The following CRB2 variants were observed in gnomAD, a reference collection of about 807,000 sequenced individuals.
CRB2 encodes the protein crumbs cell polarity complex component 2.
A neutral mutation model predicts 110.9 loss-of-function variants in CRB2; 85 were observed. The ratio of observed to expected loss-of-function variants is 0.77; its 90% confidence interval spans 0.64 to 0.92. The LOEUF is 0.92. Ranked by LOEUF, CRB2 falls within the 40% of genes least tolerant of loss-of-function variation. The pLI is 0.00. For synonymous variants in CRB2, 907 were observed against 831.0 expected, an observed-to-expected ratio of 1.09 and a Z score of -1.57; for missense variants, 1,843 against 1,851.3, an observed-to-expected ratio of 1.00 and a Z score of 0.08.
chr9:123,372,206 C>T lies in CRB2; in HGVS notation c.2466C>T (p.Cys822=). The T allele has an allele frequency of 6.2e-7, 1 of 1,614,124 alleles. No homozygotes were observed. Among genetic ancestry groups the T allele is most frequent in the Non-Finnish European group, 8.5e-7 (1 of 1,180,020 alleles). The change falls in exon 9 of 13, where the codon TGC becomes TGT. Residue 822 remains cysteine, a synonymous_variant. Coordinates refer to ENST00000373631, the MANE Select transcript of CRB2 (RefSeq NM_173689.7). ...SPDPCFNGGT[C]LVTWNDFHCT... ...ACCCCTGTTTCAATGGTGGGACTTGCCTCGTCACCTGGAATGACTTCCACT... is the reference window on the plus strand; with the variant it reads ...ACCCCTGTTTCAATGGTGGGACTTGTCTCGTCACCTGGAATGACTTCCACT...
chr9:123,354,862 C>A (rs980944128), upstream of CRB2, among the ~76,000 whole-genome samples: 4 of 152,184 alleles, frequency 2.6e-5, no homozygotes, highest in African/African-American at 9.6e-5. Flanking sequence ...GCTAGAGGGT[C>A]GGCCAGGGCC....
rs2041811132 is a variant in CRB2 at position 123,357,315 on chromosome 9, G to GC, written c.94+966dup. ...AGGGGCCGGGCCTGGGAAGTCCCCT[G>GC]CCCCCACCACCACAGGCTGGGGAGG... On this transcript the variant is annotated intron_variant, in intron 1 of 12. Transcript: ENST00000373631. Among the ~76,000 whole-genome samples, 3 of 152,146 alleles carry GC rather than the reference G, an allele frequency of 2.0e-5. No individual in the cohort carries two copies. In the South Asian group the frequency reaches 6.2e-4, roughly 32 times the overall value.
chr9:123,355,660 G>A (rs1392848081), upstream of CRB2, among the ~76,000 whole-genome samples: 1 of 148,474 alleles, frequency 6.7e-6, no homozygotes, highest in Non-Finnish European at 1.5e-5. Context: ...GGGGGGAGTG[G>A]GGAGGGGGCG....
At chr9:123,362,744 C>T (rs1441839239) in intron 1 of CRB2, 121 bp from the exon 2 acceptor site, 3 of 906,544 alleles carry the variant, frequency 3.3e-6, no homozygotes, top group Non-Finnish European at 5.0e-6. Context: ...GCCCTCTGTC[C>T]ATACTGTGCA....
intron 1 of CRB2, among the ~76,000 whole-genome samples, chr9:123,360,062 G>A (rs2041850189): frequency 1.3e-5 from 2 of 152,154 alleles, no homozygotes; most frequent in African/African-American, 4.8e-5. Flanking sequence ...TGGACCTCTG[G>A]GAAATCAGGA....
At position 123,375,315 on chromosome 9, in the gene CRB2, G is replaced by C; in HGVS notation, c.3605G>C (p.Arg1202Thr). ...GGVSECICNA[R>T]FSGQFCEVAK... is the part of the protein sequence containing the mutation. ...GTGTCTGAATGTATCTGCAATGCCA[G>C]ATTCTCCGGCCAGTTCTGTGAAGTG... Residue 1202 changes from arginine to threonine, a missense_variant, in exon 12 of 13, where the codon AGA becomes ACA. Arg to Thr is a moderately conservative substitution (Grantham distance 71, BLOSUM62 -1). Coordinates refer to ENST00000373631, the MANE Select transcript of CRB2 (RefSeq NM_173689.7). 6.2e-7 allele frequency: 1 copy of C among 1,607,294 alleles called. No individual in the cohort carries two copies. Among genetic ancestry groups the C allele is most frequent in the South Asian group, 1.1e-5 (1 of 89,750 alleles).
intron 6 of CRB2, among the ~76,000 whole-genome samples, chr9:123,368,130 C>T (rs773548596): frequency 2.0e-5 from 3 of 152,052 alleles, no homozygotes; most frequent in Non-Finnish European, 2.9e-5. Flanking sequence ...CACAGGACCC[C>T]GGTGAGCCCA....
rs976162651 is a variant in CRB2 at position 123,373,676 on chromosome 9, G to A, written c.3145G>A (p.Ala1049Thr). 5 of 1,455,800 alleles carry A rather than the reference G, an allele frequency of 3.4e-6. No individual in the cohort carries two copies. Among genetic ancestry groups the A allele is most frequent in the Admixed American group, 2.7e-5 (1 of 37,198 alleles). 90.2% of individuals were successfully genotyped at this position (1,455,800 alleles called of 1,614,324 possible). ...CTTCGCGTCTTGGCCTGGGACGCCG[G>A]CCCCGATCCTCGGCTGCCGCGGCGC... The part of the protein sequence containing the change: ...EHFASWPGTP[A>T]PILGCRGAPV... Residue 1049 changes from alanine to threonine, a missense_variant, in exon 10 of 13, where the codon GCC becomes ACC. Transcript: ENST00000373631.
chr9:123,360,276 C>T (rs541401483), intron 1 of CRB2, among the ~76,000 whole-genome samples: 79 of 152,262 alleles, frequency 5.2e-4, no homozygotes, highest in Non-Finnish European at 8.2e-4. Flanking sequence ...GGCAGCAGGT[C>T]GAAGGGGAGG....
In CRB2 at chr9:123,371,170, C is replaced by T. The variant is rs779453848; in HGVS notation, c.2028C>T (p.Leu676=). ...PGPNLTVSFL[L]RTRESAGLLL... ...CCAACCTCACAGTGTCTTTCCTTCT[C>T]CGCACTCGGGAGTCCGCTGGCCTGT... Residue 676 remains leucine (L), a synonymous_variant, in exon 8 of 13, where the codon CTC becomes CTT. Coordinates refer to ENST00000373631, the MANE Select transcript of CRB2 (RefSeq NM_173689.7). 29 of 1,613,790 alleles carry T rather than the reference C, an allele frequency of 1.8e-5. No homozygotes were observed. Among genetic ancestry groups the T allele is most frequent in the Non-Finnish European group, 2.5e-5 (29 of 1,180,046 alleles).
intron 10 of CRB2, 120 bp from the exon 11 acceptor site, chr9:123,374,459 T>C (rs1391449508): frequency 2.1e-5 from 15 of 705,852 alleles, no homozygotes; most frequent in Middle Eastern, 2.8e-4. Context: ...CCATGCCCAA[T>C]AGAGGAAGGC....
chr9:123,365,589 C>T (rs978712063), intron 2 of CRB2, among the ~76,000 whole-genome samples: 3 of 152,200 alleles, frequency 2.0e-5, no homozygotes, highest in African/African-American at 4.8e-5. Flanking sequence ...GAGCAGACCC[C>T]GGCTATTGCT....
Position 123,373,371 on chromosome 9 carries a change from C to A in CRB2, c.2840C>A (p.Pro947Gln), listed in dbSNP as rs1041772496. 2.0e-5 allele frequency: 28 copies of A among 1,432,380 alleles called. No homozygotes were observed. The highest frequency in any genetic ancestry group is 2.0e-5 in the Non-Finnish European group (22 of 1,099,776). 88.7% of individuals were successfully genotyped at this position (1,432,380 alleles called of 1,614,324 possible). Residue 947 changes from proline to glutamine, a missense_variant, in exon 10 of 13, where the codon CCG becomes CAG. Pro to Gln is a moderately conservative substitution (Grantham distance 76, BLOSUM62 -1). Transcript: ENST00000373631. Reference sequence around the variant, plus strand: ...CTGCCCGGCGCTGTGCTGCCCATACCGGGGCCGCGCGTGGCCGATGGTGCC... The same window carrying A: ...CTGCCCGGCGCTGTGCTGCCCATACAGGGGCCGCGCGTGGCCGATGGTGCC... ...HGLPGAVLPI[P>Q]GPRVADGAWH...
At chr9:123,368,711 G>C (rs920244234) in intron 6 of CRB2, 1 of 1,017,152 alleles carries the variant, frequency 9.8e-7, no homozygotes, top group East Asian at 1.1e-4. Flanking sequence ...CCAGCTGCAG[G>C]GCTGGGCTCT....
At chr9:123,364,402 C>T (rs76153962) in intron 2 of CRB2, among the ~76,000 whole-genome samples, 2,197 of 77,416 alleles carry the variant, frequency 0.028, 52 homozygotes, top group African/African-American at 0.083. Context: ...GTGTAGCACT[C>T]ACACACTTCG....
Position 123,367,584 on chromosome 9 carries a change from G to C in CRB2, c.952G>C (p.Gly318Arg), listed in dbSNP as rs759937525. 2.1e-5 allele frequency: 32 copies of C among 1,558,096 alleles called. No individual in the cohort carries two copies. The highest frequency in any genetic ancestry group is 1.9e-4 in the Middle Eastern group (1 of 5,394). Residue 318 changes from glycine to arginine, a missense_variant, in exon 6 of 13, where the codon GGT becomes CGT. By Grantham distance (125) the Gly-to-Arg change is moderately radical. Transcript: ENST00000373631. ...CPPGFEGADCGVEVDECASRP... is the reference protein window; with the variant it reads ...CPPGFEGADCRVEVDECASRP... ...TGGGCCTCTTACAGGAGCCGACTGC[G>C]GTGTGGAGGTGGACGAGTGTGCCTC...
intron 12 of CRB2, among the ~76,000 whole-genome samples, chr9:123,375,793 G>C (rs983208720): frequency 2.0e-5 from 3 of 152,150 alleles, no homozygotes; most frequent in Admixed American, 1.3e-4. Context: ...GGCTCGGCCC[G>C]CTGTGCAGGC....
rs1278868975 is a variant in CRB2, at chr9:123,377,850, C to T, written c.*788C>T. The T allele has an allele frequency of 2.6e-5, 4 of 152,242 alleles. No homozygotes were observed. The highest frequency in any genetic ancestry group is 1.9e-4 in the East Asian group (1 of 5,206). 9.4% of individuals were successfully genotyped at this position (152,242 alleles called of 1,614,324 possible). A position where few individuals can be genotyped will look rare whatever the true frequency, so the allele number is the denominator to read the frequency against. On this transcript the variant is annotated 3_prime_UTR_variant, in exon 13 of 13. Transcript: ENST00000373631. ...TTCCCACCCTGCTGTGGTCATTTGT[C>T]AAAGGGGGAAGGCACCCACTGCCTA... is the stretch of plus-strand genomic sequence containing the variant.
At chr9:123,376,137 G>A (rs79663342) in intron 12 of CRB2, among the ~76,000 whole-genome samples, 4,220 of 152,296 alleles carry the variant, frequency 0.028, 254 homozygotes, top group East Asian at 0.17. Context: ...ATGTCCAACG[G>A]TGGAGGCTGG....
Sources: allele counts gnomAD v4.1 joint callset (sites outside exome capture counted in the v4.1 genomes callset), GRCh38; gene constraint gnomAD v4.1.1; transcripts MANE v1.5; gene names NCBI Gene and HGNC (gene_info 2026-07-23, HGNC 2026-07-21).